Variants in FRMD3 observed in about 807,000 individuals in gnomAD.
FRMD3 encodes the protein FERM domain-containing protein 3.
A neutral mutation model predicts 70.2 loss-of-function variants in FRMD3; 33 were observed. The ratio of observed to expected loss-of-function variants is 0.47; its 90% CI spans 0.36 to 0.63. FRMD3 has a LOEUF of 0.63. FRMD3 is among the 20% of genes least tolerant of loss of function. FRMD3 has a pLI of 0.00. For synonymous variants in FRMD3, 279 were observed against 255.9 expected, an observed-to-expected ratio of 1.09 and a Z score of -0.86; for missense variants, 632 against 711.4, an observed-to-expected ratio of 0.89 and a Z score of 1.27.
At chr9:83,295,513 G>A (rs942935386) in intron 12 of FRMD3, among the ~76,000 whole-genome samples, 2 of 137,526 alleles carry the variant, frequency 1.5e-5, no homozygotes. Context: ...TGGCACTTTA[G>A]AATTTTTAAA....
intron 1 of FRMD3, among the ~76,000 whole-genome samples, chr9:83,419,225 T>C (rs1826549410): frequency 6.6e-6 from 1 of 152,130 alleles, no homozygotes; most frequent in Admixed American, 6.5e-5. Context: ...AATCTCAGAA[T>C]TCACCACTAT....
At chr9:83,494,085 A>G (rs1828888113) in intron 1 of FRMD3, among the ~76,000 whole-genome samples, 2 of 152,240 alleles carry the variant, frequency 1.3e-5, no homozygotes, top group South Asian at 4.1e-4. Flanking sequence ...CCTCCGTAGA[A>G]GAATCCATGG....
chr9:83,338,106 T>C (rs992941126), intron 5 of FRMD3, among the ~76,000 whole-genome samples: 1 of 152,148 alleles, frequency 6.6e-6, no homozygotes. Context: ...CAAAGGATAA[T>C]GAACAGACAA....
chr9:83,279,696 G>A (rs189383103), intron 13 of FRMD3, among the ~76,000 whole-genome samples: 9 of 150,106 alleles, frequency 6.0e-5, no homozygotes, highest in African/African-American at 2.2e-4. Context: ...ACTAACACGG[G>A]AACAGAAAAC....
intron 1 of FRMD3, among the ~76,000 whole-genome samples, chr9:83,404,204 G>A (rs1188098840): frequency 2.6e-5 from 4 of 152,172 alleles, no homozygotes; most frequent in Non-Finnish European, 5.9e-5. Flanking sequence ...TAGTCACTAA[G>A]GAGGAAAAAC....
Position 83,277,391 on chromosome 9 carries a change from G to C in FRMD3, c.1195+13212C>G, listed in dbSNP as rs189693649. ...TATGGTATTTTTTTTAAGAGATGGA[G>C]TCTCACTCTGATGCCCAGGCTGAAG... On this transcript the variant is annotated intron_variant, in intron 13 of 13. Coordinates refer to ENST00000304195, the MANE Select transcript of FRMD3 (RefSeq NM_174938.6). Among the ~76,000 whole-genome samples the C allele has an allele frequency of 8.7e-4, 133 of 152,186 alleles. 1 individual carries two copies. Among genetic ancestry groups the C allele is most frequent in the Non-Finnish European group, 1.7e-3 (118 of 68,014 alleles).
At chr9:83,565,128 G>A in the FRMD3 span, among the ~76,000 whole-genome samples, 1 of 152,134 alleles carries the variant, frequency 6.6e-6, no homozygotes, top group Non-Finnish European at 1.5e-5. Flanking sequence ...ATTTTACCAG[G>A]TACACAATTG....
chr9:83,548,112 A>T, the FRMD3 span, among the ~76,000 whole-genome samples: 5 of 152,206 alleles, frequency 3.3e-5, no homozygotes, highest in Non-Finnish European at 7.4e-5. Flanking sequence ...ATTCTCATTG[A>T]TCACTGGTGG....
chr9:83,322,780 C>T (rs1358945752), intron 6 of FRMD3, among the ~76,000 whole-genome samples: 1 of 152,176 alleles, frequency 6.6e-6, no homozygotes, highest in African/African-American at 2.4e-5. Context: ...AGTCAGTTCC[C>T]AGCTGGGCAA....
chr9:83,405,986 C>CTT (rs148695520), intron 1 of FRMD3, among the ~76,000 whole-genome samples: 7 of 149,694 alleles, frequency 4.7e-5, no homozygotes, highest in African/African-American at 1.7e-4. Context: ...TAGGCAATTT[C>CTT]TTTTTTTTTT....
intron 8 of FRMD3, among the ~76,000 whole-genome samples, chr9:83,311,061 C>T (rs769099087): frequency 2.6e-5 from 4 of 152,108 alleles, no homozygotes; most frequent in Non-Finnish European, 2.9e-5. Flanking sequence ...CAGCAAGGAC[C>T]GGTTTAAATA....
intron 6 of FRMD3, among the ~76,000 whole-genome samples, chr9:83,329,131 A>G (rs1405758391): frequency 6.6e-6 from 1 of 152,164 alleles, no homozygotes; most frequent in Non-Finnish European, 1.5e-5. Flanking sequence ...CTCCCTAGAA[A>G]TGTCCTTTAC....
chr9:83,375,517 A>G (rs1825115095), intron 2 of FRMD3, among the ~76,000 whole-genome samples: 1 of 152,250 alleles, frequency 6.6e-6, no homozygotes, highest in African/African-American at 2.4e-5. Context: ...AGGAAAAATA[A>G]GCCAGCAATA....
intron 1 of FRMD3, among the ~76,000 whole-genome samples, chr9:83,519,023 T>C (rs1255334139): frequency 2.0e-5 from 3 of 152,142 alleles, no homozygotes; most frequent in African/African-American, 4.8e-5. Context: ...ATGTAAGCCC[T>C]AAAACCATAA....
At chr9:83,450,820 AG>A (rs1427863043) in intron 1 of FRMD3, among the ~76,000 whole-genome samples, 2 of 152,222 alleles carry the variant, frequency 1.3e-5, no homozygotes. Context: ...GGGGACACCG[AG>A]GGCCTGCACT....
chr9:83,371,762 C>T (rs551364122), intron 3 of FRMD3, among the ~76,000 whole-genome samples: 1 of 152,230 alleles, frequency 6.6e-6, no homozygotes, highest in African/African-American at 2.4e-5. Flanking sequence ...GCAATCTGAA[C>T]CATCCTTCCT....
At chr9:83,474,736 A>G (rs757715546) in intron 1 of FRMD3, among the ~76,000 whole-genome samples, 2 of 151,962 alleles carry the variant, frequency 1.3e-5, no homozygotes, top group African/African-American at 2.4e-5. Context: ...TCCCAGAGTA[A>G]GGACACACAG....
chr9:83,270,461 C>A (rs1273368972), intron 13 of FRMD3, among the ~76,000 whole-genome samples: 2 of 152,160 alleles, frequency 1.3e-5, no homozygotes, highest in Admixed American at 1.3e-4. Context: ...TCTGGGAGCC[C>A]TGGTGCCTTG....
chr9:83,516,119 A>C (rs1829449586), intron 1 of FRMD3, among the ~76,000 whole-genome samples: 1 of 152,210 alleles, frequency 6.6e-6, no homozygotes, highest in Non-Finnish European at 1.5e-5. Context: ...ACACATAACA[A>C]TATAAACCTT....
Sources: gnomAD v4.1 joint callset for allele counts (sites outside exome capture counted in the v4.1 genomes callset) on GRCh38, gnomAD v4.1.1 for gene constraint, MANE v1.5 for transcripts, NCBI Gene and HGNC (gene_info 2026-07-23, HGNC 2026-07-21) for gene names.